The following ERC1 variants were observed in gnomAD, a reference collection of about 807,000 sequenced individuals.
ERC1 encodes RAB6 interacting protein 2.
ERC1 carries 56 observed loss-of-function variants against 132.0 expected under a neutral mutation model. The ratio of observed to expected loss-of-function variants is 0.42; its 90% CI spans 0.34 to 0.53. ERC1 has a LOEUF of 0.53. Among genes scored for constraint, ERC1 ranks in the 20% least tolerant of loss-of-function variants. The pLI is 0.03. For synonymous variants in ERC1, 478 were observed against 476.1 expected, an observed-to-expected ratio of 1.00 and a Z score of -0.05; for missense variants, 1,202 against 1,349.9, an observed-to-expected ratio of 0.89 and a Z score of 1.72.
intron 8 of ERC1, among the ~76,000 whole-genome samples, chr12:1,163,173 T>C (rs1952038683): frequency 6.6e-6 from 1 of 152,208 alleles, no homozygotes; most frequent in African/African-American, 2.4e-5. Flanking sequence ...CTTCTGTATG[T>C]CAACAGGTTT....
chr12:1,447,062 T>C (rs912643940), intron 18 of ERC1, among the ~76,000 whole-genome samples: 15 of 151,512 alleles, frequency 9.9e-5, no homozygotes, highest in African/African-American at 3.4e-4. Flanking sequence ...TAAATTCAAT[T>C]CCTAATAGCT....
rs757205851 is a variant in ERC1 at position 1,083,532 on chromosome 12, A to G, written c.1038A>G (p.Leu346=). 10 of 1,611,894 alleles carry G rather than the reference A, an allele frequency of 6.2e-6. No homozygotes were observed. In the East Asian group the frequency reaches 1.3e-4, roughly 22 times the overall value. The change falls in exon 3 of 19, where the codon CTA becomes CTG. Residue 346 remains leucine (L), a synonymous_variant. Transcript: ENST00000360905. ...AGGCAGAGATGCACGTTCATCACCTAGAAAGCCTTTTGGAGCAGAAGGAAA... is the reference window on the plus strand; with the variant it reads ...AGGCAGAGATGCACGTTCATCACCTGGAAAGCCTTTTGGAGCAGAAGGAAA... ...LAEAEMHVHH[L]ESLLEQKEKE... is the part of the protein sequence containing the mutation.
intron 2 of ERC1, among the ~76,000 whole-genome samples, chr12:1,058,014 T>C (rs969910960): frequency 6.6e-6 from 1 of 152,134 alleles, no homozygotes; most frequent in African/African-American, 2.4e-5. Context: ...TTTTTTGTTT[T>C]GTTTTGTTTT....
chr12:992,859 A>G (rs1034903501), intron 1 of ERC1, among the ~76,000 whole-genome samples: 13 of 152,230 alleles, frequency 8.5e-5, no homozygotes, highest in Admixed American at 2.0e-4. Flanking sequence ...TCAATAATTC[A>G]TTTATGGAGG....
In ERC1 at chr12:1,444,606, A is replaced by G. The variant is rs1320349902; in HGVS notation, c.3069A>G (p.Leu1023=). Residue 1023 remains leucine, a synonymous_variant, in exon 18 of 19, where the codon TTA becomes TTG. Transcript: ENST00000360905. ...AACTTGACCAAAATAGAAGTAAATT[A>G]AAGTTGTACATTGGACACCTGACAA... ...LLELDQNRSK[L]KLYIGHLTTL... 1 of 1,613,828 alleles carries G rather than the reference A, an allele frequency of 6.2e-7. No individual in the cohort carries two copies. The highest frequency in any genetic ancestry group is 1.3e-5 in the African/African-American group (1 of 74,884).
chr12:1,341,871 TGACA>T (rs1428048819), intron 15 of ERC1, among the ~76,000 whole-genome samples: 1 of 152,210 alleles, frequency 6.6e-6, no homozygotes, highest in Admixed American at 6.5e-5. Flanking sequence ...TAAATTCTGT[TGACA>T]GTTTCTTGCT....
chr12:1,408,256 G>T lies in ERC1; in HGVS notation c.3024+9G>T, dbSNP rs371788551. ...AGCCCTCCCCAGACCAGGTAAGATG[G>T]CTCTGGAATGTTTTATTAAAAAACC... On this transcript the variant is annotated intron_variant, in intron 17 of 18. Transcript: ENST00000360905. 1.4e-4 allele frequency: 224 copies of T among 1,598,312 alleles called. 2 individuals carry two copies. The highest frequency in any genetic ancestry group is 3.3e-4 in the Middle Eastern group (2 of 6,040).
intron 2 of ERC1, among the ~76,000 whole-genome samples, chr12:1,031,777 T>A (rs559245829): frequency 6.6e-6 from 1 of 152,256 alleles, no homozygotes; most frequent in Non-Finnish European, 1.5e-5. Context: ...ATTAAGACTT[T>A]AAGAATGTGT....
At chr12:1,241,309 G>A (rs556554708) in intron 13 of ERC1, among the ~76,000 whole-genome samples, 9 of 151,950 alleles carry the variant, frequency 5.9e-5, no homozygotes, top group East Asian at 5.8e-4. Context: ...TGAAATTTCC[G>A]TGTCAAATTT....
intron 16 of ERC1, among the ~76,000 whole-genome samples, chr12:1,397,651 T>G (rs985219139): frequency 6.6e-6 from 1 of 151,994 alleles, no homozygotes; most frequent in Non-Finnish European, 1.5e-5. Flanking sequence ...GAAGAAACAA[T>G]TGAAAGACAA....
At chr12:1,054,834 T>C (rs1032020011) in intron 2 of ERC1, among the ~76,000 whole-genome samples, 2 of 152,216 alleles carry the variant, frequency 1.3e-5, no homozygotes, top group East Asian at 1.9e-4. Context: ...AAGAGAAATA[T>C]GCATTTGAGT....
At chr12:1,399,028 C>G (rs117920700) in intron 16 of ERC1, among the ~76,000 whole-genome samples, 2,343 of 145,558 alleles carry the variant, frequency 0.016, 23 homozygotes, top group Non-Finnish European at 0.025. Flanking sequence ...CCAAGGCAGC[C>G]TTGACCTTCT....
chr12:1,394,216 C>G (rs1024482119), intron 16 of ERC1, among the ~76,000 whole-genome samples: 2 of 150,754 alleles, frequency 1.3e-5, no homozygotes, highest in South Asian at 2.1e-4. Flanking sequence ...CTGGCTAACA[C>G]GGTGAAACCC....
chr12:1,189,395 G>C (rs1284342679), intron 11 of ERC1, among the ~76,000 whole-genome samples: 3 of 152,208 alleles, frequency 2.0e-5, no homozygotes, highest in African/African-American at 7.2e-5. Flanking sequence ...GGCCATGTGA[G>C]TCACACGTGT....
At chr12:995,396 T>C (rs778484930) in intron 1 of ERC1, among the ~76,000 whole-genome samples, 1 of 152,158 alleles carries the variant, frequency 6.6e-6, no homozygotes, top group African/African-American at 2.4e-5. Context: ...GGTAGACCTA[T>C]AGAATTTGTT....
intron 15 of ERC1, among the ~76,000 whole-genome samples, chr12:1,293,729 T>G (rs1204867018): frequency 6.6e-6 from 1 of 151,888 alleles, no homozygotes; most frequent in African/African-American, 2.4e-5. Context: ...TTGTAAATAG[T>G]TAACCAAATT....
At chr12:1,440,416 C>G (rs376408007) in intron 17 of ERC1, among the ~76,000 whole-genome samples, 2 of 150,682 alleles carry the variant, frequency 1.3e-5, no homozygotes, top group East Asian at 3.9e-4. Context: ...CCGTGTTAGC[C>G]AGGATGGTCT....
chr12:1,116,254 T>C, intron 7 of ERC1: 3 of 407,098 alleles, frequency 7.4e-6, no homozygotes, highest in Non-Finnish European at 1.3e-5. Flanking sequence ...TTTTTAATTC[T>C]TTAAACTTTT....
chr12:994,066 C>CAAAAAAAAAAAAAAAAAAAAAAAAA (rs72073964), intron 1 of ERC1, among the ~76,000 whole-genome samples: 2 of 64,208 alleles, frequency 3.1e-5, no homozygotes, highest in African/African-American at 5.0e-5. Context: ...AACTCCGTCT[C>CAAAAAAAAAAAAAAAAAAAAAAAAA]AAAAAAAAAA....
Sources: gnomAD v4.1 joint callset for allele counts (sites outside exome capture counted in the v4.1 genomes callset) on GRCh38, gnomAD v4.1.1 for gene constraint, MANE v1.5 for transcripts, NCBI Gene and HGNC (gene_info 2026-07-23, HGNC 2026-07-21) for gene names.